Variants in PLCL1 observed in about 807,000 individuals in gnomAD.
The protein encoded by PLCL1 is phospholipase C like 1 (inactive).
A neutral mutation model predicts 84.4 loss-of-function variants in PLCL1; 41 were observed. The observed-to-expected ratio is 0.49, with a 90% CI of 0.38 to 0.63. The LOEUF (loss-of-function observed/expected upper bound fraction) is 0.63. Among genes scored for constraint, PLCL1 ranks in the 30% least tolerant of loss-of-function variants. The pLI, the probability that PLCL1 is intolerant of heterozygous loss-of-function variation, is 0.00. For missense variants in PLCL1, 1,206 were observed against 1,367.8 expected (o/e 0.88, Z 1.87); for synonymous variants, 490 against 488.3 (o/e 1.00, Z -0.05).
At chr2:198,068,619 C>A (rs538845591) in intron 1 of PLCL1, among the ~76,000 whole-genome samples, 1 of 152,224 alleles carries the variant, frequency 6.6e-6, no homozygotes, top group Non-Finnish European at 1.5e-5. Context: ...CAACCACACC[C>A]TACACACAAT....
chr2:197,922,688 T>G (rs376702757), intron 1 of PLCL1, among the ~76,000 whole-genome samples: 1 of 61,194 alleles, frequency 1.6e-5, no homozygotes, highest in South Asian at 6.7e-4. Flanking sequence ...GGCGGCTGGC[T>G]GGGCAGAGGG....
rs1442907490 is a variant in PLCL1, at chr2:198,084,124, C to T, written c.607C>T (p.Leu203=). Reference sequence around the variant, plus strand: ...CGGGGAAAACTATGAGTCTCTGGACCTAGTTGCCAATTCAGCAGATGTGGC... The same window carrying T: ...CGGGGAAAACTATGAGTCTCTGGACTTAGTTGCCAATTCAGCAGATGTGGC... ...LHGENYESLD[L]VANSADVANI... is the part of the protein sequence containing the mutation. Residue 203 remains leucine (L), a synonymous_variant, in exon 2 of 6, where the codon CTA becomes TTA. Transcript: ENST00000428675. The T allele has an allele frequency of 1.9e-6, 3 of 1,614,076 alleles. No homozygotes were observed. In the Admixed American group the frequency reaches 5.0e-5, roughly 27 times the overall value.
intron 1 of PLCL1, among the ~76,000 whole-genome samples, chr2:197,898,593 G>A (rs373841198): frequency 2.0e-5 from 3 of 151,414 alleles, no homozygotes; most frequent in East Asian, 3.9e-4. Flanking sequence ...GAACCCTCAT[G>A]TTTTGCCCTT....
At chr2:198,131,657 A>G (rs1187850256) in intron 5 of PLCL1, among the ~76,000 whole-genome samples, 1 of 152,202 alleles carries the variant, frequency 6.6e-6, no homozygotes, top group Non-Finnish European at 1.5e-5. Context: ...CATAACCCCT[A>G]TTCTTTCTAT....
intron 5 of PLCL1, among the ~76,000 whole-genome samples, chr2:198,127,912 A>C (rs937398986): frequency 4.6e-5 from 7 of 152,032 alleles, no homozygotes; most frequent in African/African-American, 1.7e-4. Flanking sequence ...TTTTAAGTTT[A>C]GGTAGATTTA....
chr2:197,924,661 G>A (rs1359007751), intron 1 of PLCL1, among the ~76,000 whole-genome samples: 1 of 151,844 alleles, frequency 6.6e-6, no homozygotes, highest in Non-Finnish European at 1.5e-5. Context: ...ACCGGCTCCA[G>A]TTCACTGTTG....
chr2:198,085,117 A>G lies in PLCL1; in HGVS notation c.1600A>G (p.Lys534Glu). 6.2e-7 allele frequency: 1 copy of G among 1,614,132 alleles called. No homozygotes were observed. Among genetic ancestry groups the G allele is most frequent in the Non-Finnish European group, 8.5e-7 (1 of 1,180,002 alleles). Residue 534 changes from lysine to glutamate, a missense_variant, in exon 2 of 6, where the codon AAA (lysine) becomes GAA (glutamate). Coordinates refer to ENST00000428675, the MANE Select transcript of PLCL1 (RefSeq NM_006226.4). This position sits in a 1 kb window ranked among gnomAD's most constrained non-coding sequence, Gnocchi z 5.3. ...CTACCTCCCATCACCAGAAAAATTA[A>G]AAAGAATGATCATTGTGAAAGGAAA... ...ESYLPSPEKL[K>E]RMIIVKGKKL...
chr2:197,872,859 C>T (rs1321694846), intron 1 of PLCL1, among the ~76,000 whole-genome samples: 1 of 152,056 alleles, frequency 6.6e-6, no homozygotes, highest in East Asian at 1.9e-4. Context: ...AAATTATTTG[C>T]ATAATAACCC....
intron 1 of PLCL1, among the ~76,000 whole-genome samples, chr2:198,017,076 A>G (rs1338673785): frequency 1.3e-5 from 2 of 152,206 alleles, no homozygotes; most frequent in African/African-American, 4.8e-5. Flanking sequence ...GTGACCAGGA[A>G]AATAATATGT....
intron 1 of PLCL1, among the ~76,000 whole-genome samples, chr2:198,056,880 C>A (rs11679484): frequency 0.28 from 42,703 of 151,964 alleles, 7,430 homozygotes; most frequent in Middle Eastern, 0.48. Context: ...ATAGCTTTAG[C>A]AGCAATGGCA....
Position 198,084,679 on chromosome 2 carries a change from A to G in PLCL1, c.1162A>G (p.Ile388Val). ...GTATTTATTGTCATCAGAATGTGACATTTTTGATCCTGAGCAAAAGAAGGT... is the reference window on the plus strand; with the variant it reads ...GTATTTATTGTCATCAGAATGTGACGTTTTTGATCCTGAGCAAAAGAAGGT... ...TQYLLSSECD[I>V]FDPEQKKVAQ... Residue 388 changes from isoleucine to valine, a missense_variant, in exon 2 of 6, where the codon ATT (isoleucine) becomes GTT (valine). Coordinates refer to ENST00000428675, the MANE Select transcript of PLCL1 (RefSeq NM_006226.4). The G allele has an allele frequency of 1.2e-6, 2 of 1,614,052 alleles. No individual in the cohort carries two copies. The highest frequency in any genetic ancestry group is 1.7e-6 in the Non-Finnish European group (2 of 1,179,948).
At position 198,084,384 on chromosome 2, in the gene PLCL1, G is replaced by A; in HGVS notation, c.867G>A (p.Lys289=). ...GGTTAAAGTTTAAAGAAATCCAGAAGAGCAAGGAAAAACTAACCACCCGCG... is the reference window on the plus strand; with the variant it reads ...GGTTAAAGTTTAAAGAAATCCAGAAAAGCAAGGAAAAACTAACCACCCGCG... The part of the protein sequence containing the change: ...KIRLKFKEIQ[K]SKEKLTTRVT... Residue 289 remains lysine (K), a synonymous_variant, in exon 2 of 6, where the codon AAG becomes AAA. Transcript: ENST00000428675. 1 of 1,614,116 alleles carries A rather than the reference G, an allele frequency of 6.2e-7. No individual in the cohort carries two copies. Among genetic ancestry groups the A allele is most frequent in the Non-Finnish European group, 8.5e-7 (1 of 1,179,990 alleles).
chr2:197,966,029 A>G (rs1171585939), intron 1 of PLCL1, among the ~76,000 whole-genome samples: 1 of 152,028 alleles, frequency 6.6e-6, no homozygotes, highest in Admixed American at 6.6e-5. Context: ...CCTTCAAGGA[A>G]GGGTTTTTCT....
intron 4 of PLCL1, among the ~76,000 whole-genome samples, chr2:198,103,551 C>T (rs1693395351): frequency 1.3e-5 from 2 of 151,770 alleles, no homozygotes. Flanking sequence ...TTTTTTTGTA[C>T]CCATAGAATT....
At chr2:197,918,971 T>TCTCTCACACACA (rs373512508) in intron 1 of PLCL1, among the ~76,000 whole-genome samples, 7 of 144,654 alleles carry the variant, frequency 4.8e-5, no homozygotes, top group South Asian at 2.2e-4. Flanking sequence ...TCTCTCTCCC[T>TCTCTCACACACA]CACACACACA....
At chr2:197,892,495 A>C (rs1308541330) in intron 1 of PLCL1, among the ~76,000 whole-genome samples, 1 of 152,198 alleles carries the variant, frequency 6.6e-6, no homozygotes, top group Admixed American at 6.5e-5. Context: ...GCTACTTATC[A>C]TAGTGTTTAT....
chr2:198,032,033 C>A (rs1168563039), intron 1 of PLCL1, among the ~76,000 whole-genome samples: 1 of 152,108 alleles, frequency 6.6e-6, no homozygotes, highest in Non-Finnish European at 1.5e-5. Flanking sequence ...AAGCTTATTT[C>A]TGCATGTATA....
rs202197660 is a variant in PLCL1 at position 198,045,275 on chromosome 2, A to T, written c.241-38483A>T. Among the ~76,000 whole-genome samples the T allele has an allele frequency of 1.8e-4, 27 of 152,236 alleles. No homozygotes were observed. The East Asian group carries it at 4.4e-3, about 25-fold the overall frequency. On this transcript the variant is annotated intron_variant, in intron 1 of 5. Transcript: ENST00000428675. Reference sequence around the variant, plus strand: ...ATAGTTTTTTGTATTATGTTTCCTAATGGAACTCACATGTCCATTAGAGTC... The same window carrying T: ...ATAGTTTTTTGTATTATGTTTCCTATTGGAACTCACATGTCCATTAGAGTC...
intron 1 of PLCL1, among the ~76,000 whole-genome samples, chr2:197,867,744 T>A (rs554679999): frequency 6.6e-6 from 1 of 152,256 alleles, no homozygotes; most frequent in African/African-American, 2.4e-5. Flanking sequence ...AACACTGCCA[T>A]CATCTTGCCT....
Sources: gnomAD v4.1 joint callset for allele counts (sites outside exome capture counted in the v4.1 genomes callset) on GRCh38, gnomAD v4.1.1 for gene constraint, Gnocchi (gnomAD v3.1) non-coding constraint, MANE v1.5 for transcripts, NCBI Gene and HGNC (gene_info 2026-07-23, HGNC 2026-07-21) for gene names.